TMEM38B: variants seen among roughly 807,000 people sequenced by gnomAD.
The protein encoded by TMEM38B is transmembrane protein 38B.
Under a neutral mutation model 28.7 loss-of-function variants are expected in TMEM38B, and 24 were observed. That is an observed-to-expected ratio of 0.84 (90% CI 0.61 to 1.18). The LOEUF (loss-of-function observed/expected upper bound fraction) is 1.18, where lower values mean the gene tolerates loss of function less well. TMEM38B is among the 50% of genes most tolerant of loss of function. The pLI, the probability that TMEM38B is intolerant of heterozygous loss-of-function variation, is 0.00. For synonymous variants in TMEM38B, 131 were observed against 127.7 expected (o/e 1.03, Z -0.17); for missense variants, 380 against 350.9 (o/e 1.08, Z -0.66).
intron 2 of TMEM38B, among the ~76,000 whole-genome samples, chr9:105,718,910 G>T (rs1032126301): frequency 2.6e-5 from 4 of 152,142 alleles, no homozygotes; most frequent in African/African-American, 9.7e-5. Context: ...CATTCTGTCT[G>T]TATTTTTCAA....
intron 5 of TMEM38B, among the ~76,000 whole-genome samples, chr9:105,769,797 T>G (rs1826489068): frequency 6.6e-6 from 1 of 152,196 alleles, no homozygotes. Context: ...TTGCAATTTA[T>G]AAGCTAATTT....
chr9:105,760,871 A>G lies in TMEM38B; in HGVS notation c.660+12681A>G, dbSNP rs557730716. On this transcript the variant is annotated intron_variant, in intron 5 of 5. Coordinates refer to ENST00000374692, the MANE Select transcript of TMEM38B (RefSeq NM_018112.3). Reference sequence around the variant, plus strand: ...TAAGGTATTTCTAAATAAGCACATTATGTAAGGAAGTACCAAAATAGTTGT... The same window carrying G: ...TAAGGTATTTCTAAATAAGCACATTGTGTAAGGAAGTACCAAAATAGTTGT... 8.0e-4 allele frequency: 458 copies of G among 575,218 alleles called. 2 individuals carry two copies. The highest frequency in any genetic ancestry group is 6.0e-5 in the Non-Finnish European group (20 of 334,196). The allele number at this position is 575,218 out of a possible 1,614,324, so 35.6% of individuals were successfully genotyped here. A position where few individuals can be genotyped will look rare whatever the true frequency, so the allele number is the denominator to read the frequency against.
chr9:105,736,690 T>C (rs374161727), intron 4 of TMEM38B, among the ~76,000 whole-genome samples: 17 of 152,382 alleles, frequency 1.1e-4, no homozygotes, highest in African/African-American at 4.1e-4. Context: ...TTGTGTGTCC[T>C]GTCCAGCATT....
At chr9:105,742,398 A>C (rs145030571) in intron 4 of TMEM38B, among the ~76,000 whole-genome samples, 2 of 152,230 alleles carry the variant, frequency 1.3e-5, no homozygotes, top group Non-Finnish European at 2.9e-5. Flanking sequence ...CTGGATTTCA[A>C]AATGGCTTGG....
At chr9:105,724,939 G>C (rs986812778) in intron 4 of TMEM38B, among the ~76,000 whole-genome samples, 6 of 151,944 alleles carry the variant, frequency 3.9e-5, no homozygotes, top group African/African-American at 1.4e-4. Context: ...CCTCCAAACG[G>C]CCTATAAGTC....
chr9:105,752,700 C>G (rs1837698741), intron 5 of TMEM38B, among the ~76,000 whole-genome samples: 1 of 152,098 alleles, frequency 6.6e-6, no homozygotes, highest in South Asian at 2.1e-4. Context: ...GGTAGATAAG[C>G]CCACAAAGAT....
intron 2 of TMEM38B, among the ~76,000 whole-genome samples, chr9:105,720,089 A>T (rs1836267086): frequency 6.6e-6 from 1 of 152,078 alleles, no homozygotes; most frequent in Non-Finnish European, 1.5e-5. Context: ...GTACAATTTT[A>T]AAGCCATACA....
intron 5 of TMEM38B, among the ~76,000 whole-genome samples, chr9:105,773,157 C>G (rs1826612985): frequency 6.6e-6 from 1 of 152,086 alleles, no homozygotes; most frequent in East Asian, 1.9e-4. Context: ...TGGCATTAGC[C>G]TAATTTCTTG....
At chr9:105,744,745 C>T (rs1482007688) in intron 4 of TMEM38B, among the ~76,000 whole-genome samples, 1 of 152,100 alleles carries the variant, frequency 6.6e-6, no homozygotes, top group Non-Finnish European at 1.5e-5. Context: ...ATTTCCCCCA[C>T]CCCATGACAG....
At chr9:105,760,831 G>A in intron 5 of TMEM38B, 1 of 670,748 alleles carries the variant, frequency 1.5e-6, no homozygotes. Context: ...TAATCAAAAG[G>A]AAGTCTGTTA....
intron 4 of TMEM38B, among the ~76,000 whole-genome samples, chr9:105,728,780 G>T (rs888384953): frequency 6.6e-6 from 1 of 152,126 alleles, no homozygotes; most frequent in Non-Finnish European, 1.5e-5. Flanking sequence ...TCTGACTGGC[G>T]TGAGATGGTA....
intron 4 of TMEM38B, among the ~76,000 whole-genome samples, chr9:105,725,885 C>T (rs980984637): frequency 6.6e-6 from 1 of 152,108 alleles, no homozygotes; most frequent in African/African-American, 2.4e-5. Context: ...ACACTGTACA[C>T]TGAGGCAACA....
intron 1 of TMEM38B, among the ~76,000 whole-genome samples, chr9:105,704,929 A>T (rs1242384328): frequency 7.6e-6 from 1 of 131,134 alleles, no homozygotes; most frequent in Non-Finnish European, 1.6e-5. Context: ...ATCTCAAAGT[A>T]AAAAAAAAAA....
Position 105,774,323 on chromosome 9 carries a change from A to G in TMEM38B, c.*243A>G. 1 of 294,926 alleles carries G rather than the reference A, an allele frequency of 3.4e-6. No individual in the cohort carries two copies. The highest frequency in any genetic ancestry group is 6.2e-6 in the Non-Finnish European group (1 of 161,642). 18.3% of individuals were successfully genotyped at this position (294,926 alleles called of 1,614,324 possible). On this transcript the variant is annotated 3_prime_UTR_variant, in exon 6 of 6. Transcript: ENST00000374692. ...AAGAGATTCTGTTGTGATTATTTGA[A>G]TAGTTTTATATTAATAAAAGAAGAC...
intron 4 of TMEM38B, among the ~76,000 whole-genome samples, chr9:105,737,498 G>A (rs1048978148): frequency 6.6e-6 from 1 of 152,202 alleles, no homozygotes; most frequent in African/African-American, 2.4e-5. Flanking sequence ...CAGTAATGGT[G>A]GAGCACAGCT....
In TMEM38B at chr9:105,716,710, G is replaced by T. The variant is rs555264843; in HGVS notation, c.270-4827G>T. ...CAAGACCAATCCCTCCTCCTCGTCA[G>T]CCTACTCTTTGTGAAGATGAAGAAG... On this transcript the variant is annotated intron_variant, in intron 2 of 5. Coordinates refer to ENST00000374692, the MANE Select transcript of TMEM38B (RefSeq NM_018112.3). Among the ~76,000 whole-genome samples the T allele has an allele frequency of 1.3e-4, 16 of 125,578 alleles. No individual in the cohort carries two copies. In the East Asian group the frequency reaches 5.3e-3, roughly 41 times the overall value. The allele number at this position is 125,578 out of a possible 152,430, so 82.4% of individuals were successfully genotyped here.
intron 5 of TMEM38B, among the ~76,000 whole-genome samples, chr9:105,754,662 C>A (rs1245651281): frequency 1.3e-5 from 2 of 152,064 alleles, no homozygotes; most frequent in Non-Finnish European, 2.9e-5. Flanking sequence ...ACTAAATGCC[C>A]ACATAAAAAC....
At position 105,774,343 on chromosome 9, in the gene TMEM38B, G is replaced by T. The variant is rs1826660860; in HGVS notation, c.*263G>T. ...TTTGAATAGTTTTATATTAATAAAA[G>T]AAGACAAAATTTTTTAAATGTTAGA... On this transcript the variant is annotated 3_prime_UTR_variant, in exon 6 of 6. Coordinates refer to ENST00000374692, the MANE Select transcript of TMEM38B (RefSeq NM_018112.3). 1 of 248,958 alleles carries T rather than the reference G, an allele frequency of 4.0e-6. No homozygotes were observed. Among genetic ancestry groups the T allele is most frequent in the African/African-American group, 2.2e-5 (1 of 45,014 alleles). The allele number at this position is 248,958 out of a possible 1,614,324, so 15.4% of individuals were successfully genotyped here.
chr9:105,723,308 A>C (rs755611450), intron 4 of TMEM38B, among the ~76,000 whole-genome samples: 19 of 152,062 alleles, frequency 1.2e-4, no homozygotes, highest in Non-Finnish European at 2.8e-4. Flanking sequence ...TGCAGCCTAG[A>C]CCTCTTAGGC....
Sources: allele counts gnomAD v4.1 joint callset (sites outside exome capture counted in the v4.1 genomes callset), GRCh38; gene constraint gnomAD v4.1.1; transcripts MANE v1.5; gene names NCBI Gene and HGNC (gene_info 2026-07-23, HGNC 2026-07-21).